The following DCK variants were observed in gnomAD, a reference collection of about 807,000 sequenced individuals.
The protein encoded by DCK is deoxycytidine kinase, also known as deoxyadenosine kinase.
DCK carries 23 observed loss-of-function variants against 38.3 expected under a neutral mutation model. The observed-to-expected ratio is 0.60, with a 90% confidence interval of 0.43 to 0.85. DCK has a LOEUF of 0.85. Among genes scored for constraint, DCK ranks in the 40% least tolerant of loss-of-function variants. The pLI, the probability that DCK is intolerant of heterozygous loss-of-function variation, is 0.00. For synonymous variants in DCK, 108 were observed against 100.6 expected, an observed-to-expected ratio of 1.07 and a Z score of -0.44; for missense variants, 259 against 304.4, an observed-to-expected ratio of 0.85 and a Z score of 1.11.
At chr4:71,010,147 T>G (rs2148915069) in intron 2 of DCK, among the ~76,000 whole-genome samples, 1 of 150,876 alleles carries the variant, frequency 6.6e-6, no homozygotes. Context: ...ACCCATATGC[T>G]TAGCTTTTGC....
At chr4:70,999,927 T>G (rs901665489) in intron 2 of DCK, among the ~76,000 whole-genome samples, 3 of 152,312 alleles carry the variant, frequency 2.0e-5, no homozygotes, top group Admixed American at 1.3e-4. Flanking sequence ...TATTAGCCCT[T>G]TGTCTGATGG....
At chr4:70,998,476 T>C (rs1014287332) in intron 2 of DCK, among the ~76,000 whole-genome samples, 5 of 152,226 alleles carry the variant, frequency 3.3e-5, no homozygotes, top group Non-Finnish European at 7.3e-5. Context: ...GTATTAAGTA[T>C]TATAAGTAAT....
At chr4:71,008,115 G>A (rs758423671) in intron 2 of DCK, among the ~76,000 whole-genome samples, 25 of 152,226 alleles carry the variant, frequency 1.6e-4, no homozygotes, top group Middle Eastern at 6.8e-3. Context: ...AGTTGCTTAT[G>A]TAAACAGCAT....
intron 1 of DCK, among the ~76,000 whole-genome samples, chr4:70,994,662 A>G (rs1046759441): frequency 1.3e-5 from 2 of 152,162 alleles, no homozygotes; most frequent in African/African-American, 4.8e-5. Flanking sequence ...TTTTAGCTAT[A>G]TTATTAGCGA....
intron 2 of DCK, among the ~76,000 whole-genome samples, chr4:71,001,157 T>G (rs1486011292): frequency 1.3e-5 from 2 of 152,302 alleles, no homozygotes; most frequent in East Asian, 3.9e-4. Flanking sequence ...TGAGATACAT[T>G]TCATCAATAC....
intron 2 of DCK, among the ~76,000 whole-genome samples, chr4:71,001,025 G>A (rs767960215): frequency 6.6e-6 from 1 of 152,006 alleles, no homozygotes; most frequent in Non-Finnish European, 1.5e-5. Flanking sequence ...TTGCCTGATT[G>A]CCCTGGCCAG....
At chr4:71,018,126 C>CTTTT (rs35755135) in intron 2 of DCK, among the ~76,000 whole-genome samples, 15 of 126,810 alleles carry the variant, frequency 1.2e-4, no homozygotes, top group Non-Finnish European at 2.1e-4. Context: ...TAGATTATTT[C>CTTTT]TTTTTTTTTT....
At chr4:70,996,938 T>C (rs1025766686) in intron 1 of DCK, among the ~76,000 whole-genome samples, 2 of 152,222 alleles carry the variant, frequency 1.3e-5, no homozygotes, top group Non-Finnish European at 2.9e-5. Flanking sequence ...TTTGCCTTCA[T>C]AGAAAATTAA....
intron 2 of DCK, among the ~76,000 whole-genome samples, chr4:71,011,293 C>A (rs1027082550): frequency 1.7e-5 from 2 of 121,082 alleles, no homozygotes; most frequent in Non-Finnish European, 3.3e-5. Context: ...GTAAGTCATT[C>A]TTGAAAATTA....
intron 6 of DCK, 78 bp from the exon 7 acceptor site, chr4:71,029,274 C>T (rs1306993207): frequency 2.1e-6 from 2 of 942,540 alleles, no homozygotes; most frequent in African/African-American, 3.4e-5. Flanking sequence ...CTATTATATA[C>T]TTTTAAATGA....
At position 71,020,695 on chromosome 4, in the gene DCK, T is replaced by TTTTG. The variant is rs112421413; in HGVS notation, c.208-1660_208-1657dup. On this transcript the variant is annotated intron_variant, in intron 2 of 6. Transcript: ENST00000286648. The stretch of plus-strand genomic sequence containing the variant: ...TAGGAGCCTCAAAACATGACTAGAG[T>TTTTG]TTTGTTTGTTTGTTTAGAATTATAA... Among the ~76,000 whole-genome samples, 1,434 of 151,938 alleles carry TTTTG rather than the reference T, an allele frequency of 9.4e-3. 33 individuals carry two copies. Among genetic ancestry groups the TTTTG allele is most frequent in the African/African-American group, 0.033 (1,376 of 41,424 alleles).
At chr4:71,004,439 T>C (rs552977401) in intron 2 of DCK, among the ~76,000 whole-genome samples, 2 of 152,346 alleles carry the variant, frequency 1.3e-5, no homozygotes, top group South Asian at 4.1e-4. Context: ...ATGGGGGTCA[T>C]GGACCCACTT....
chr4:71,005,315 A>G (rs1044249623), intron 2 of DCK, among the ~76,000 whole-genome samples: 5 of 151,646 alleles, frequency 3.3e-5, no homozygotes, highest in African/African-American at 4.8e-5. Context: ...ACCAGTCCCA[A>G]TGAGATGAAT....
rs528339820 is a variant in DCK at position 71,006,637 on chromosome 4, G to C, written c.207+8455G>C. 3.4e-4 allele frequency among the ~76,000 whole-genome samples: 52 copies of C among 152,108 alleles called. No individual in the cohort carries two copies. The South Asian group carries it at 0.01, about 30-fold the overall frequency. ...AGCCTGGGCAACATAGGGTGACCCCGTCTCTACAAAAAATTTAAAAATTAG... is the reference window on the plus strand; with the variant it reads ...AGCCTGGGCAACATAGGGTGACCCCCTCTCTACAAAAAATTTAAAAATTAG... On this transcript the variant is annotated intron_variant, in intron 2 of 6. Coordinates refer to ENST00000286648, the MANE Select transcript of DCK (RefSeq NM_000788.3).
chr4:71,008,077 T>G (rs1376370522), intron 2 of DCK, among the ~76,000 whole-genome samples: 1 of 152,328 alleles, frequency 6.6e-6, no homozygotes, highest in East Asian at 1.9e-4. Context: ...TTTATACCTT[T>G]AATTGATTTT....
rs557636507 is a variant in DCK at position 70,997,030 on chromosome 4, T to C, written c.92-1037T>C. ...GATGTGTTAGTGTGATTGGGAACTCTAGCTGTTATTACTCTGCTTGAACTA... is the reference window on the plus strand; with the variant it reads ...GATGTGTTAGTGTGATTGGGAACTCCAGCTGTTATTACTCTGCTTGAACTA... On this transcript the variant is annotated intron_variant, in intron 1 of 6. Transcript: ENST00000286648. Among the ~76,000 whole-genome samples, 4 of 152,346 alleles carry C rather than the reference T, an allele frequency of 2.6e-5. 1 individual carries two copies. The South Asian group carries it at 6.2e-4, about 24-fold the overall frequency.
chr4:71,025,133 A>G (rs1740514748), intron 4 of DCK, among the ~76,000 whole-genome samples: 1 of 152,076 alleles, frequency 6.6e-6, no homozygotes, highest in Non-Finnish European at 1.5e-5. Flanking sequence ...GCCCCCACAA[A>G]TTATACGAAA....
chr4:71,007,790 A>T (rs1739985265), intron 2 of DCK, among the ~76,000 whole-genome samples: 2 of 152,216 alleles, frequency 1.3e-5, no homozygotes, highest in South Asian at 4.1e-4. Flanking sequence ...GCCATGGTTC[A>T]CTGCAGCCTC....
intron 2 of DCK, among the ~76,000 whole-genome samples, chr4:71,003,517 G>T (rs762517750): frequency 1.3e-5 from 2 of 152,142 alleles, no homozygotes; most frequent in Non-Finnish European, 2.9e-5. Context: ...TGCTAGGTTG[G>T]GGAAGTTCTC....
Sources: allele counts gnomAD v4.1 joint callset (sites outside exome capture counted in the v4.1 genomes callset), GRCh38; gene constraint gnomAD v4.1.1; transcripts MANE v1.5; gene names NCBI Gene and HGNC (gene_info 2026-07-23, HGNC 2026-07-21).